Variants in MEGF10 observed in about 807,000 individuals in gnomAD.
MEGF10 encodes multiple EGF like domains 10, also known as multiple epidermal growth factor-like domains protein 10.
In MEGF10, 86 loss-of-function variants were observed where a neutral mutation model predicts 147.5. The ratio of observed to expected loss-of-function variants is 0.58; its 90% CI spans 0.49 to 0.70. The LOEUF (loss-of-function observed/expected upper bound fraction) is 0.70. Ranked by LOEUF, MEGF10 falls within the 30% of genes least tolerant of loss-of-function variation. MEGF10 has a pLI of 0.00. For synonymous variants in MEGF10, 478 were observed against 525.5 expected (o/e 0.91, Z 1.24); for missense variants, 1,329 against 1,487.3 (o/e 0.89, Z 1.75).
At chr5:127,310,027 T>TTCC (rs1561562229) in intron 1 of MEGF10, among the ~76,000 whole-genome samples, 1 of 66,936 alleles carries the variant, frequency 1.5e-5, no homozygotes, top group Non-Finnish European at 3.7e-5. Context: ...TTTTTCTTTC[T>TTCC]TTCTTTCCTT....
At chr5:127,308,598 C>G (rs988000702) in intron 1 of MEGF10, among the ~76,000 whole-genome samples, 3 of 151,732 alleles carry the variant, frequency 2.0e-5, no homozygotes, top group African/African-American at 7.3e-5. Flanking sequence ...TCATTCTCAG[C>G]AAACTATCGC....
chr5:127,241,769 G>T, the MEGF10 span, among the ~76,000 whole-genome samples: 2 of 152,090 alleles, frequency 1.3e-5, no homozygotes, highest in South Asian at 4.1e-4. Flanking sequence ...ATTTTGAGGG[G>T]ATTGTACAGT....
At chr5:127,345,454 G>C (rs1761850233) in intron 4 of MEGF10, among the ~76,000 whole-genome samples, 1 of 152,154 alleles carries the variant, frequency 6.6e-6, no homozygotes, top group African/African-American at 2.4e-5. Flanking sequence ...GACCAGAGCA[G>C]AGAGTGTGGG....
At chr5:127,453,785 C>T (rs752655772) in intron 22 of MEGF10, among the ~76,000 whole-genome samples, 3 of 152,100 alleles carry the variant, frequency 2.0e-5, no homozygotes, top group South Asian at 2.1e-4. Flanking sequence ...TAGGTAATGT[C>T]GTCTTATTTT....
At chr5:127,413,488 G>A (rs553571227) in intron 9 of MEGF10, among the ~76,000 whole-genome samples, 19 of 152,182 alleles carry the variant, frequency 1.2e-4, no homozygotes, top group Non-Finnish European at 2.6e-4. Flanking sequence ...CTCTGTTTCA[G>A]CCAATATTAT....
intron 9 of MEGF10, among the ~76,000 whole-genome samples, chr5:127,416,254 T>C (rs1476361237): frequency 6.6e-6 from 1 of 151,938 alleles, no homozygotes; most frequent in Non-Finnish European, 1.5e-5. Flanking sequence ...GGTCTAGATC[T>C]CCTGACCTCG....
rs1763933200 is a variant in MEGF10, at chr5:127,396,757, C to T, written c.638C>T (p.Pro213Leu). The change falls in exon 6 of 25, where the codon CCA (proline) becomes CTA (leucine). Residue 213 changes from proline to leucine, a missense_variant. Transcript: ENST00000503335. ...CDHVTGECRCPPGYTGAFCED... is the reference protein window; with the variant it reads ...CDHVTGECRCLPGYTGAFCED... Reference sequence around the variant, plus strand: ...CACGTCACGGGGGAATGCCGCTGCCCACCAGGATACACCGGAGCCTTGTAA... The same window carrying T: ...CACGTCACGGGGGAATGCCGCTGCCTACCAGGATACACCGGAGCCTTGTAA... 1 of 1,613,828 alleles carries T rather than the reference C, an allele frequency of 6.2e-7. No homozygotes were observed. The highest frequency in any genetic ancestry group is 1.3e-5 in the African/African-American group (1 of 75,076).
At chr5:127,426,919 G>C (rs187982694) in intron 13 of MEGF10, among the ~76,000 whole-genome samples, 2 of 152,134 alleles carry the variant, frequency 1.3e-5, no homozygotes, top group African/African-American at 4.8e-5. Flanking sequence ...GGAACTCTTC[G>C]AACTTGCATA....
the MEGF10 span, among the ~76,000 whole-genome samples, chr5:127,265,265 C>G: frequency 6.6e-6 from 1 of 151,998 alleles, no homozygotes; most frequent in Non-Finnish European, 1.5e-5. Flanking sequence ...TTTTTTCTGG[C>G]TGCATAGTAT....
chr5:127,326,683 T>A (rs559457219), intron 1 of MEGF10, among the ~76,000 whole-genome samples: 7 of 152,294 alleles, frequency 4.6e-5, no homozygotes, highest in African/African-American at 1.7e-4. Context: ...CCTTTATAGA[T>A]AACACGATGG....
chr5:127,325,966 C>T (rs1761014426), intron 1 of MEGF10, among the ~76,000 whole-genome samples: 1 of 147,734 alleles, frequency 6.8e-6, no homozygotes. Flanking sequence ...TGCAGTGCCA[C>T]AATCACAGCT....
chr5:127,308,754 C>CG (rs1760128072), intron 1 of MEGF10, among the ~76,000 whole-genome samples: 2 of 151,676 alleles, frequency 1.3e-5, no homozygotes, highest in Admixed American at 6.6e-5. Context: ...AGGAGATATA[C>CG]CTAATGTTAA....
the MEGF10 span, among the ~76,000 whole-genome samples, chr5:127,262,442 G>A: frequency 2.6e-5 from 4 of 152,216 alleles, 1 homozygote; most frequent in Middle Eastern, 6.8e-3. Context: ...GTTTCCAGAC[G>A]TCTAGCCCCT....
chr5:127,348,862 C>T (rs1761991077), intron 4 of MEGF10, among the ~76,000 whole-genome samples: 1 of 152,010 alleles, frequency 6.6e-6, no homozygotes, highest in African/African-American at 2.4e-5. Context: ...ACAAACCTTC[C>T]CATATACTTA....
At chr5:127,310,056 T>G (rs1411053356) in intron 1 of MEGF10, among the ~76,000 whole-genome samples, 1 of 137,328 alleles carries the variant, frequency 7.3e-6, no homozygotes, top group South Asian at 2.4e-4. Flanking sequence ...ATTTCTTTCT[T>G]TCTTTCTTTC....
intron 8 of MEGF10, among the ~76,000 whole-genome samples, chr5:127,404,447 C>G (rs1308020019): frequency 6.6e-6 from 1 of 152,088 alleles, no homozygotes; most frequent in Non-Finnish European, 1.5e-5. Context: ...CCTATAACCC[C>G]TTGTCAGATG....
chr5:127,265,704 T>A, the MEGF10 span, among the ~76,000 whole-genome samples: 1 of 152,346 alleles, frequency 6.6e-6, no homozygotes, highest in East Asian at 1.9e-4. Flanking sequence ...GTCTGTTGGC[T>A]GCATAAATGT....
At chr5:127,339,081 A>T in intron 2 of MEGF10, 39 bp from the exon 3 acceptor site, 1 of 1,357,954 alleles carries the variant, frequency 7.4e-7, no homozygotes, top group South Asian at 1.3e-5. Context: ...AATTTAAAAA[A>T]GAGAAATACT....
At chr5:127,412,835 A>G (rs1764623881) in intron 9 of MEGF10, among the ~76,000 whole-genome samples, 2 of 152,180 alleles carry the variant, frequency 1.3e-5, no homozygotes, top group African/African-American at 2.4e-5. Context: ...TGGCAGATCA[A>G]CTGGAGGCTA....
Sources: allele counts gnomAD v4.1 joint callset (sites outside exome capture counted in the v4.1 genomes callset), GRCh38; gene constraint gnomAD v4.1.1; transcripts MANE v1.5; gene names NCBI Gene and HGNC (gene_info 2026-07-23, HGNC 2026-07-21).